The following MACROH2A1 variants were observed in gnomAD, a reference collection of about 807,000 sequenced individuals.
The protein encoded by MACROH2A1 is macroH2A.1 histone.
A neutral mutation model predicts 31.6 loss-of-function variants in MACROH2A1; 2 were observed. The ratio of observed to expected loss-of-function variants is 0.06; its 90% CI spans 0.03 to 0.20. The LOEUF is 0.20. MACROH2A1 is among the 10% of genes least tolerant of loss of function. MACROH2A1 has a pLI of 1.00. For missense variants in MACROH2A1, 230 were observed against 474.0 expected, an observed-to-expected ratio of 0.49 and a Z score of 4.78; for synonymous variants, 169 against 189.6, an observed-to-expected ratio of 0.89 and a Z score of 0.89.
intron 2 of MACROH2A1, among the ~76,000 whole-genome samples, chr5:135,372,038 T>C (rs1764238605): frequency 6.6e-6 from 1 of 152,148 alleles, no homozygotes; most frequent in Non-Finnish European, 1.5e-5. Flanking sequence ...TCATATTAGC[T>C]TTGGGGGCAG....
intron 4 of MACROH2A1, among the ~76,000 whole-genome samples, chr5:135,367,160 A>G (rs1763611998): frequency 6.6e-6 from 1 of 152,264 alleles, no homozygotes; most frequent in African/African-American, 2.4e-5. Context: ...GGTTATTTTC[A>G]GAACATTCCA....
intron 6 of MACROH2A1, chr5:135,346,776 A>C (rs1760894694): frequency 1.3e-5 from 2 of 152,282 alleles, no homozygotes; most frequent in Admixed American, 1.3e-4. Flanking sequence ...CTAACTGCTC[A>C]GGACCAGATT....
chr5:135,343,687 C>G, intron 7 of MACROH2A1: 2 of 528,920 alleles, frequency 3.8e-6, no homozygotes, highest in African/African-American at 1.9e-5. Context: ...AAGCCTCTCT[C>G]CACTCTCAGA....
At chr5:135,361,875 A>AT (rs1762889873) in intron 4 of MACROH2A1, 2 of 152,212 alleles carry the variant, frequency 1.3e-5, no homozygotes, top group African/African-American at 2.4e-5. Context: ...TATGGCAAAC[A>AT]TTTTTTCTAA....
chr5:135,371,414 A>G (rs1406750925), intron 2 of MACROH2A1, among the ~76,000 whole-genome samples: 2 of 152,202 alleles, frequency 1.3e-5, no homozygotes, highest in African/African-American at 4.8e-5. Context: ...TATGTTTGAA[A>G]TTTTTCAAAA....
At chr5:135,335,247 T>G in intron 8 of MACROH2A1, 106 bp from the exon 9 acceptor site, 1 of 813,896 alleles carries the variant, frequency 1.2e-6, no homozygotes, top group Non-Finnish European at 2.0e-6. Flanking sequence ...TGCCTTGTGT[T>G]GGGTCGGTGT....
intron 2 of MACROH2A1, among the ~76,000 whole-genome samples, chr5:135,388,433 CA>C (rs1766726013): frequency 6.6e-6 from 1 of 152,190 alleles, no homozygotes; most frequent in Admixed American, 6.5e-5. Context: ...ATCCTGAAAC[CA>C]ACCCAGATTG....
chr5:135,391,402 C>A (rs578065748), intron 1 of MACROH2A1, among the ~76,000 whole-genome samples: 4 of 152,292 alleles, frequency 2.6e-5, no homozygotes, highest in African/African-American at 9.6e-5. Flanking sequence ...ATGTCTGGGG[C>A]TGCCTATGTG....
intron 8 of MACROH2A1, among the ~76,000 whole-genome samples, chr5:135,335,704 T>A (rs60142553): frequency 0.072 from 10,904 of 152,222 alleles, 1,412 homozygotes; most frequent in African/African-American, 0.25. Context: ...TGGGCTATCA[T>A]CCAAGTTTCC....
rs768052948 is a variant in MACROH2A1 at position 135,360,478 on chromosome 5, A to C, written c.588+19T>G. 1 of 1,500,716 alleles carries C rather than the reference A, an allele frequency of 6.7e-7. No homozygotes were observed. The highest frequency in any genetic ancestry group is 1.7e-5 in the Admixed American group (1 of 59,858). The allele number at this position is 1,500,716 out of a possible 1,614,324, so 93.0% of individuals were successfully genotyped here. A position where few individuals can be genotyped will look rare whatever the true frequency, so the allele number is the denominator to read the frequency against. On this transcript the variant is annotated intron_variant, in intron 5 of 8. Coordinates refer to ENST00000511689, the MANE Select transcript of MACROH2A1 (RefSeq NM_138610.3). ...TCCCTTGGGGCCCTCGAGTAGACTG[A>C]GGCCGCGCATCTGCCTACCTTCTGG...
chr5:135,389,089 G>A lies in MACROH2A1; in HGVS notation c.5C>T (p.Ser2Leu), dbSNP rs1383553599. The A allele has an allele frequency of 1.9e-6, 3 of 1,612,722 alleles. No individual in the cohort carries two copies. The highest frequency in any genetic ancestry group is 1.1e-5 in the South Asian group (1 of 91,008). The change falls in exon 2 of 9, where the codon TCG becomes TTG. Residue 2 changes from serine (S) to leucine (L), a missense_variant. Ser to Leu is a moderately radical substitution (Grantham distance 145). Transcript: ENST00000511689. MSSRGGKKKSTK... is the reference protein window; with the variant it reads MLSRGGKKKSTK... Reference sequence around the variant, plus strand: ...GGACTTCTTCTTCCCACCGCGGCTCGACATGGCGGTGGCCCTGGAGGCGGA... The same window carrying A: ...GGACTTCTTCTTCCCACCGCGGCTCAACATGGCGGTGGCCCTGGAGGCGGA...
chr5:135,352,170 C>G (rs762479122), intron 6 of MACROH2A1, among the ~76,000 whole-genome samples: 4 of 152,224 alleles, frequency 2.6e-5, no homozygotes, highest in Non-Finnish European at 5.9e-5. Flanking sequence ...ATCTGTGTGC[C>G]TATTTCCCCT....
chr5:135,390,744 C>G (rs1581367895), intron 1 of MACROH2A1, among the ~76,000 whole-genome samples: 1 of 152,298 alleles, frequency 6.6e-6, no homozygotes, highest in African/African-American at 2.4e-5. Context: ...TACTCTGATG[C>G]TCAACCTATA....
At chr5:135,373,207 C>T (rs920735534) in intron 2 of MACROH2A1, among the ~76,000 whole-genome samples, 12 of 151,856 alleles carry the variant, frequency 7.9e-5, no homozygotes, top group African/African-American at 2.7e-4. Flanking sequence ...CGTTGGTGGT[C>T]GGGGAGGAGG....
At chr5:135,351,031 C>T in intron 6 of MACROH2A1, 1 of 671,674 alleles carries the variant, frequency 1.5e-6, no homozygotes, top group South Asian at 1.7e-5. Flanking sequence ...CATATGAGCC[C>T]AAGGGGCAAT....
chr5:135,377,558 AG>A, intron 2 of MACROH2A1, among the ~76,000 whole-genome samples: 1 of 152,276 alleles, frequency 6.6e-6, no homozygotes, highest in Non-Finnish European at 1.5e-5. Flanking sequence ...GTGTTGGGGG[AG>A]GAGGCGACGT....
intron 7 of MACROH2A1, 96 bp from the exon 8 acceptor site, chr5:135,343,530 T>G: frequency 6.5e-7 from 1 of 1,549,948 alleles, no homozygotes; most frequent in Non-Finnish European, 8.7e-7. Flanking sequence ...ACGGTATATC[T>G]TCCTGGGCCC....
chr5:135,343,830 T>G lies in MACROH2A1; in HGVS notation c.779-396A>C. Reference sequence around the variant, plus strand: ...TCCAACCCTTCTTCTTCAAGTCGACTGGTGTGCTAATTATCGACTTGCACA... The same window carrying G: ...TCCAACCCTTCTTCTTCAAGTCGACGGGTGTGCTAATTATCGACTTGCACA... On this transcript the variant is annotated intron_variant, in intron 7 of 8. Coordinates refer to ENST00000511689, the MANE Select transcript of MACROH2A1 (RefSeq NM_138610.3). 34 of 253,528 alleles carry G rather than the reference T, an allele frequency of 1.3e-4. 1 individual carries two copies. The highest frequency in any genetic ancestry group is 2.0e-4 in the Non-Finnish European group (26 of 128,860). 15.7% of individuals were successfully genotyped at this position (253,528 alleles called of 1,614,324 possible).
intron 8 of MACROH2A1, among the ~76,000 whole-genome samples, chr5:135,338,850 T>C (rs570721847): frequency 1.9e-4 from 29 of 152,372 alleles, no homozygotes; most frequent in Non-Finnish European, 2.4e-4. Context: ...AGAGTCAGAA[T>C]TGGGTTTGAA....
Sources: gnomAD v4.1 joint callset for allele counts (sites outside exome capture counted in the v4.1 genomes callset) on GRCh38, gnomAD v4.1.1 for gene constraint, MANE v1.5 for transcripts, NCBI Gene and HGNC (gene_info 2026-07-23, HGNC 2026-07-21) for gene names.